The following ANKMY2 variants were observed in gnomAD, a reference collection of about 807,000 sequenced individuals.
ANKMY2 encodes the protein ankyrin repeat and MYND domain containing 2.
Under a neutral mutation model 50.4 loss-of-function variants are expected in ANKMY2, and 36 were observed. The ratio of observed to expected loss-of-function variants is 0.71; its 90% CI spans 0.55 to 0.94. The LOEUF (loss-of-function observed/expected upper bound fraction) is 0.94. Among genes scored for constraint, ANKMY2 ranks in the 40% least tolerant of loss-of-function variants. The probability of loss-of-function intolerance (pLI) is 0.00; values close to 1 mark genes in which losing one functional copy is unlikely to be tolerated. For missense variants in ANKMY2, 565 were observed against 524.0 expected, an observed-to-expected ratio of 1.08 and a Z score of -0.76; for synonymous variants, 187 against 178.8, an observed-to-expected ratio of 1.05 and a Z score of -0.36.
At chr7:16,626,655 G>A (rs988284335) in intron 3 of ANKMY2, among the ~76,000 whole-genome samples, 2 of 152,120 alleles carry the variant, frequency 1.3e-5, no homozygotes, top group African/African-American at 4.8e-5. Context: ...TAGTACATAA[G>A]TGCCAGTGAG....
intron 2 of ANKMY2, among the ~76,000 whole-genome samples, chr7:16,635,691 T>C (rs568543227): frequency 1.3e-5 from 2 of 152,172 alleles, no homozygotes; most frequent in South Asian, 2.1e-4. Context: ...TTCTAGGAAA[T>C]TGAGTTTAGG....
At chr7:16,613,470 A>C (rs1781290049) in intron 5 of ANKMY2, among the ~76,000 whole-genome samples, 1 of 152,172 alleles carries the variant, frequency 6.6e-6, no homozygotes, top group Non-Finnish European at 1.5e-5. Context: ...AAAGGTTTCG[A>C]GCGAATAGAT....
At chr7:16,645,278 G>A (rs1237617024) in intron 1 of ANKMY2, among the ~76,000 whole-genome samples, 1 of 152,174 alleles carries the variant, frequency 6.6e-6, no homozygotes, top group Non-Finnish European at 1.5e-5. Context: ...CGGATTTAGA[G>A]GCCGAGCCTC....
chr7:16,612,395 A>T (rs1346177963), intron 5 of ANKMY2, among the ~76,000 whole-genome samples: 1 of 152,204 alleles, frequency 6.6e-6, no homozygotes, highest in Admixed American at 6.5e-5. Flanking sequence ...AGCACTTAAT[A>T]ATAAGTTATT....
In ANKMY2 at chr7:16,606,420, C is replaced by A. The variant is rs550057532; in HGVS notation, c.883-1571G>T. Among the ~76,000 whole-genome samples the A allele has an allele frequency of 8.8e-5, 9 of 102,208 alleles. No individual in the cohort carries two copies. The East Asian group carries it at 2.8e-3, about 32-fold the overall frequency. 67.1% of individuals were successfully genotyped at this position (102,208 alleles called of 152,430 possible). ...CTCCAGCCTTGGTGACAGTGCAAGA[C>A]CTTGTATTTAAAAAAAAAAAAATTA... On this transcript the variant is annotated intron_variant, in intron 7 of 9. Coordinates refer to ENST00000306999, the MANE Select transcript of ANKMY2 (RefSeq NM_020319.3).
intron 4 of ANKMY2, among the ~76,000 whole-genome samples, chr7:16,623,258 G>A (rs773826546): frequency 7.2e-5 from 11 of 152,082 alleles, no homozygotes; most frequent in Non-Finnish European, 1.6e-4. Context: ...ACAACTGGAA[G>A]GGTGCAATGT....
intron 1 of ANKMY2, among the ~76,000 whole-genome samples, chr7:16,642,197 G>A (rs1303315823): frequency 6.6e-6 from 1 of 151,838 alleles, no homozygotes; most frequent in Non-Finnish European, 1.5e-5. Context: ...AATAAGAGAA[G>A]TAATGTGAAA....
chr7:16,612,063 G>C (rs1781264351), intron 5 of ANKMY2, among the ~76,000 whole-genome samples: 2 of 152,168 alleles, frequency 1.3e-5, no homozygotes, highest in African/African-American at 4.8e-5. Context: ...GGATCTAGCT[G>C]AACTAAGGAG....
At position 16,609,799 on chromosome 7, in the gene ANKMY2, G is replaced by A. The variant is rs1244238154; in HGVS notation, c.747-34C>T. ...TATTTTTTAAAGCGTAATTGGAGTT[G>A]AATCACTAAGCATTCTCTCCTAGTT... On this transcript the variant is annotated intron_variant, in intron 6 of 9. Coordinates refer to ENST00000306999, the MANE Select transcript of ANKMY2 (RefSeq NM_020319.3). The A allele has an allele frequency of 1.3e-5, 21 of 1,603,174 alleles. No homozygotes were observed. The East Asian group carries it at 4.5e-4, about 35-fold the overall frequency.
At chr7:16,643,197 C>T (rs909332188) in intron 1 of ANKMY2, among the ~76,000 whole-genome samples, 64 of 152,218 alleles carry the variant, frequency 4.2e-4, no homozygotes, top group African/African-American at 1.5e-3. Context: ...CCAAAGGCCA[C>T]ATCACCAGTA....
intron 2 of ANKMY2, among the ~76,000 whole-genome samples, chr7:16,633,357 T>A (rs1781613974): frequency 6.6e-6 from 1 of 152,118 alleles, no homozygotes. Context: ...GTATACTTAC[T>A]CTTTTAATAA....
chr7:16,612,360 A>G (rs2128342719), intron 5 of ANKMY2, among the ~76,000 whole-genome samples: 1 of 152,364 alleles, frequency 6.6e-6, no homozygotes, highest in Non-Finnish European at 1.5e-5. Flanking sequence ...AGATTTATAC[A>G]CAATCTAGTG....
At chr7:16,610,177 C>A (rs1781224262) in intron 6 of ANKMY2, among the ~76,000 whole-genome samples, 1 of 152,178 alleles carries the variant, frequency 6.6e-6, no homozygotes, top group South Asian at 2.1e-4. Flanking sequence ...CTCCAAGATA[C>A]AGTAACAGAG....
intron 2 of ANKMY2, among the ~76,000 whole-genome samples, chr7:16,632,048 T>TCTCC (rs963123552): frequency 6.6e-6 from 1 of 151,960 alleles, no homozygotes; most frequent in Non-Finnish European, 1.5e-5. Flanking sequence ...TGTTTTTCTT[T>TCTCC]CTCCCTCCCT....
intron 1 of ANKMY2, among the ~76,000 whole-genome samples, chr7:16,640,755 G>T (rs1781734695): frequency 6.6e-6 from 1 of 152,002 alleles, no homozygotes; most frequent in African/African-American, 2.4e-5. Flanking sequence ...AAACTCCTGG[G>T]TCCAAGTGAT....
chr7:16,635,493 A>G (rs977879473), intron 2 of ANKMY2, among the ~76,000 whole-genome samples: 1 of 152,186 alleles, frequency 6.6e-6, no homozygotes, highest in African/African-American at 2.4e-5. Flanking sequence ...TTAAATATGT[A>G]TAGCTTATTA....
intron 4 of ANKMY2, among the ~76,000 whole-genome samples, chr7:16,620,605 C>CACAA (rs1781420481): frequency 6.6e-6 from 1 of 151,914 alleles, no homozygotes; most frequent in Admixed American, 6.6e-5. Flanking sequence ...CACACACACA[C>CACAA]ACACACACAC....
intron 5 of ANKMY2, among the ~76,000 whole-genome samples, chr7:16,611,258 T>G (rs918086340): frequency 6.6e-6 from 1 of 152,332 alleles, no homozygotes; most frequent in East Asian, 1.9e-4. Context: ...AAATGAAATA[T>G]GCTTTACTTT....
At chr7:16,602,343 C>G in intron 9 of ANKMY2, 37 bp downstream of exon 9, 1 of 1,601,084 alleles carries the variant, frequency 6.2e-7, no homozygotes, top group Non-Finnish European at 8.5e-7. Context: ...TCTCTCTCCA[C>G]TAAAAAGCAG....
Sources: gnomAD v4.1 joint callset for allele counts (sites outside exome capture counted in the v4.1 genomes callset) on GRCh38, gnomAD v4.1.1 for gene constraint, MANE v1.5 for transcripts, NCBI Gene and HGNC (gene_info 2026-07-23, HGNC 2026-07-21) for gene names.